Variants in FBXO11 observed in about 807,000 individuals in gnomAD.
The protein encoded by FBXO11 is F-box only protein 11.
In FBXO11, 13 loss-of-function variants were observed where a neutral mutation model predicts 117.0. The observed-to-expected ratio is 0.11, with a 90% CI of 0.07 to 0.18. FBXO11 has a LOEUF of 0.18. FBXO11 is among the 10% of genes least tolerant of loss of function. The pLI is 1.00. For missense variants in FBXO11, 767 were observed against 1,164.4 expected (o/e 0.66, Z 4.97); for synonymous variants, 490 against 380.5 (o/e 1.29, Z -3.35).
At chr2:47,850,338 C>T (rs2103639699) in intron 1 of FBXO11, among the ~76,000 whole-genome samples, 1 of 152,076 alleles carries the variant, frequency 6.6e-6, no homozygotes, top group Non-Finnish European at 1.5e-5. Context: ...TGGAAATGCC[C>T]AACATAAAAC....
intron 1 of FBXO11, among the ~76,000 whole-genome samples, chr2:47,904,385 AC>A (rs952693255): frequency 1.3e-5 from 2 of 152,090 alleles, no homozygotes; most frequent in Admixed American, 6.5e-5. Flanking sequence ...AAGGTGCAAC[AC>A]CCCCCCTCAT....
chr2:47,811,993 G>A (rs1572762096), intron 18 of FBXO11, among the ~76,000 whole-genome samples: 1 of 150,672 alleles, frequency 6.6e-6, no homozygotes, highest in East Asian at 2.0e-4. Flanking sequence ...TTTAGTTTAG[G>A]CTCTCATTAT....
In FBXO11 at chr2:47,809,878, TATCA is replaced by T. The variant is rs570589558; in HGVS notation, c.2339-175_2339-172del. 2.4e-3 allele frequency: 1,334 copies of T among 548,590 alleles called. 21 individuals are homozygous for T. The highest frequency in any genetic ancestry group is 6.7e-4 in the Non-Finnish European group (210 of 312,068). 34.0% of individuals were successfully genotyped at this position (548,590 alleles called of 1,614,324 possible). A position where few individuals can be genotyped will look rare whatever the true frequency, so the allele number is the denominator to read the frequency against. On this transcript the variant is annotated intron_variant, in intron 19 of 22. Transcript: ENST00000403359. ...TCAACCACCAACAGTAACATTCACT[TATCA>T]ATGACTATGGTCAAAACTGCAATTA...
chr2:47,873,048 A>G (rs1471411086), intron 1 of FBXO11, among the ~76,000 whole-genome samples: 1 of 152,210 alleles, frequency 6.6e-6, no homozygotes, highest in Non-Finnish European at 1.5e-5. Flanking sequence ...ATTGTAGAGT[A>G]ATAAAGTAGG....
rs533532156 is a variant in FBXO11, at chr2:47,835,816, G to T, written c.717+56C>A. 998 of 1,400,674 alleles carry T rather than the reference G, an allele frequency of 7.1e-4. 1 individual carries two copies. The highest frequency in any genetic ancestry group is 9.1e-4 in the Non-Finnish European group (941 of 1,034,834). 86.8% of individuals were successfully genotyped at this position (1,400,674 alleles called of 1,614,324 possible). On this transcript the variant is annotated intron_variant, in intron 5 of 22. Coordinates refer to ENST00000403359, the MANE Select transcript of FBXO11 (RefSeq NM_001190274.2). ...CCCAGCCTAAACTTATTTCTTAAAA[G>T]AAAGTTATTTACAAATGTATAATAT...
At chr2:47,852,723 CACTT>C (rs890687556) in intron 1 of FBXO11, among the ~76,000 whole-genome samples, 1 of 152,174 alleles carries the variant, frequency 6.6e-6, no homozygotes, top group Non-Finnish European at 1.5e-5. Context: ...GTGTACCTAA[CACTT>C]ACTGAAAACC....
intron 1 of FBXO11, among the ~76,000 whole-genome samples, chr2:47,875,682 A>G (rs1273934032): frequency 6.6e-6 from 1 of 152,112 alleles, no homozygotes; most frequent in Non-Finnish European, 1.5e-5. Context: ...TTTAAAATAA[A>G]TTTTCTCTTT....
rs1286202901 is a variant in FBXO11, at chr2:47,832,784, G to T, written c.1138C>A (p.Arg380=). The T allele has an allele frequency of 2.5e-6, 4 of 1,612,504 alleles. No individual in the cohort carries two copies. Among genetic ancestry groups the T allele is most frequent in the Non-Finnish European group, 3.4e-6 (4 of 1,178,736 alleles). ...AAACACTAACCTGTACATGTACTTCGGATGATACAGTGATCAATAATAGGG... is the reference window on the plus strand; with the variant it reads ...AAACACTAACCTGTACATGTACTTCTGATGATACAGTGATCAATAATAGGG... ...CSPIIDHCII[R]STCTVGSAVC... is the part of the protein sequence containing the mutation. The change falls in exon 9 of 23, where the codon CGA becomes AGA. Residue 380 remains arginine, a synonymous_variant. Transcript: ENST00000403359.
chr2:47,851,772 A>G (rs1234078789), intron 1 of FBXO11, among the ~76,000 whole-genome samples: 2 of 152,174 alleles, frequency 1.3e-5, no homozygotes, highest in African/African-American at 2.4e-5. Flanking sequence ...AATTTCTAGA[A>G]ATGTCTTTAG....
intron 1 of FBXO11, among the ~76,000 whole-genome samples, chr2:47,861,294 T>G (rs76688564): frequency 0.07 from 10,633 of 151,680 alleles, 527 homozygotes; most frequent in Non-Finnish European, 0.11. Context: ...TAATATTCAT[T>G]CTATCCCATA....
intron 11 of FBXO11, among the ~76,000 whole-genome samples, chr2:47,828,659 ACT>A (rs1671947068): frequency 6.6e-6 from 1 of 151,480 alleles, no homozygotes; most frequent in Admixed American, 6.6e-5. Flanking sequence ...TTCACAAGAA[ACT>A]CTCCAGATTA....
chr2:47,812,317 A>G (rs1301045735), intron 18 of FBXO11, among the ~76,000 whole-genome samples: 1 of 152,246 alleles, frequency 6.6e-6, no homozygotes, highest in Admixed American at 6.5e-5. Flanking sequence ...CTAAAGAATA[A>G]AAGTGAAATA....
chr2:47,810,019 C>G (rs1018690458), intron 19 of FBXO11: 7 of 488,580 alleles, frequency 1.4e-5, no homozygotes, highest in Non-Finnish European at 2.5e-5. Context: ...GTAAATTCAT[C>G]TGAGGAATTG....
At position 47,902,078 on chromosome 2, in the gene FBXO11, G is replaced by A. The variant is rs559080189; in HGVS notation, c.232+3411C>T. 5.3e-5 allele frequency among the ~76,000 whole-genome samples: 8 copies of A among 152,340 alleles called. No homozygotes were observed. The East Asian group carries it at 1.5e-3, about 29-fold the overall frequency. Reference sequence around the variant, plus strand: ...AGCCTCCAGAGTAGCTGGGATTACAGGCGTGAGCCGCCATGCCTGGCTCAT... The same window carrying A: ...AGCCTCCAGAGTAGCTGGGATTACAAGCGTGAGCCGCCATGCCTGGCTCAT... On this transcript the variant is annotated intron_variant, in intron 1 of 22. Transcript: ENST00000403359.
At chr2:47,870,988 T>G (rs1675583500) in intron 1 of FBXO11, among the ~76,000 whole-genome samples, 1 of 152,234 alleles carries the variant, frequency 6.6e-6, no homozygotes, top group African/African-American at 2.4e-5. Flanking sequence ...CTACGCTCAC[T>G]AACACTTGGC....
rs1361447923 is a variant in FBXO11, at chr2:47,808,752, A to G, written c.2556-325T>C. On this transcript the variant is annotated intron_variant, in intron 21 of 22. Transcript: ENST00000403359. ...ACTGTCACAGTGACTGGGATATATC[A>G]AACACTTAACCCCGACATCTTTACC... 2.0e-5 allele frequency: 6 copies of G among 301,496 alleles called. No homozygotes were observed. In the East Asian group the frequency reaches 3.6e-4, roughly 18 times the overall value. 18.7% of individuals were successfully genotyped at this position (301,496 alleles called of 1,614,324 possible).
chr2:47,813,167 A>T (rs757620296), intron 18 of FBXO11, 67 bp downstream of exon 18: 1 of 1,448,184 alleles, frequency 6.9e-7, no homozygotes, highest in Non-Finnish European at 9.7e-7. Context: ...AATGTCATTG[A>T]TCATTAAAGA....
In FBXO11 at chr2:47,901,171, GTATATATA is replaced by G. The variant is rs368199849; in HGVS notation, c.232+4310_232+4317del. Among the ~76,000 whole-genome samples the G allele has an allele frequency of 3.8e-3, 519 of 134,936 alleles. 3 individuals are homozygous for G. Among genetic ancestry groups the G allele is most frequent in the Non-Finnish European group, 6.2e-3 (394 of 63,240 alleles). 88.5% of individuals were successfully genotyped at this position (134,936 alleles called of 152,430 possible). The stretch of plus-strand genomic sequence containing the variant: ...CGTGTGTACATATATACATATATAT[GTATATATA>G]TGTGGGTACATATATATGTGTGTCA... On this transcript the variant is annotated intron_variant, in intron 1 of 22. Transcript: ENST00000403359.
In FBXO11 at chr2:47,819,126, G is replaced by T. The variant is rs376428488; in HGVS notation, c.1798-48C>A. On this transcript the variant is annotated intron_variant, in intron 14 of 22. Coordinates refer to ENST00000403359, the MANE Select transcript of FBXO11 (RefSeq NM_001190274.2). ...ATAATATTTATCTTCTATAAGCAAG[G>T]CGTTTATAGTCTGTTACCCCCTTTA... 3.2e-6 allele frequency: 5 copies of T among 1,585,988 alleles called. No individual in the cohort carries two copies. In the African/African-American group the frequency reaches 6.8e-5, roughly 22 times the overall value.
Sources: allele counts gnomAD v4.1 joint callset (sites outside exome capture counted in the v4.1 genomes callset), GRCh38; gene constraint gnomAD v4.1.1; transcripts MANE v1.5; gene names NCBI Gene and HGNC (gene_info 2026-07-23, HGNC 2026-07-21).